Variants in TRAF3IP2 observed in about 807,000 individuals in gnomAD.
The protein encoded by TRAF3IP2 is TRAF3 interacting protein 2.
TRAF3IP2 carries 35 observed loss-of-function variants against 57.9 expected under a neutral mutation model. That is an observed-to-expected ratio of 0.60 (90% CI 0.46 to 0.80). The LOEUF is 0.80. TRAF3IP2 is among the 30% of genes least tolerant of loss of function. The pLI is 0.00. For synonymous variants in TRAF3IP2, 251 were observed against 268.9 expected (o/e 0.93, Z 0.65); for missense variants, 556 against 706.4 (o/e 0.79, Z 2.41).
At position 111,559,557 on chromosome 6, in the gene TRAF3IP2, G is replaced by T. The variant is rs202020640; in HGVS notation, c.1552-6C>A. Reference sequence around the variant, plus strand: ...AGCCAGGTGGGCACATGCTCCTATGGGAGGCAGAATGACAGGAGCAAAGGT... The same window carrying T: ...AGCCAGGTGGGCACATGCTCCTATGTGAGGCAGAATGACAGGAGCAAAGGT... On this transcript the variant is annotated splice_region_variant and splice_polypyrimidine_tract_variant and intron_variant, in intron 8 of 8. Coordinates refer to ENST00000368761, the MANE Select transcript of TRAF3IP2 (RefSeq NM_147686.4). 3.9e-5 allele frequency: 63 copies of T among 1,613,790 alleles called. No homozygotes were observed. The African/African-American group carries it at 4.3e-4, about 11-fold the overall frequency.
intron 2 of TRAF3IP2, among the ~76,000 whole-genome samples, chr6:111,580,757 C>T (rs754460203): frequency 4.4e-4 from 67 of 152,300 alleles, no homozygotes; most frequent in African/African-American, 1.5e-3. Context: ...CTTCATGTCC[C>T]GAACCCAAGG....
intron 1 of TRAF3IP2, among the ~76,000 whole-genome samples, chr6:111,603,591 G>A (rs1304642653): frequency 6.6e-6 from 1 of 152,196 alleles, no homozygotes; most frequent in Non-Finnish European, 1.5e-5. Flanking sequence ...ATTTCATTTA[G>A]ACAAACTACC....
At chr6:111,587,595 G>C (rs924444135) in intron 2 of TRAF3IP2, among the ~76,000 whole-genome samples, 1 of 151,482 alleles carries the variant, frequency 6.6e-6, no homozygotes, top group African/African-American at 2.4e-5. Flanking sequence ...TATGAAATTA[G>C]AAGGAAAATA....
intron 8 of TRAF3IP2, among the ~76,000 whole-genome samples, chr6:111,561,840 G>C (rs1222704815): frequency 6.6e-6 from 1 of 152,170 alleles, no homozygotes; most frequent in Middle Eastern, 3.2e-3. Flanking sequence ...CTAGCACAAG[G>C]TCAAAGTGGA....
rs1012966113 is a variant in TRAF3IP2 at position 111,555,706 on chromosome 6, C to T, written c.*3699G>A. ...TTTTTACTAAGTCAGCCCTACCCCACTTCCACCCCAAAAATATCTAAAGAT... is the reference window on the plus strand; with the variant it reads ...TTTTTACTAAGTCAGCCCTACCCCATTTCCACCCCAAAAATATCTAAAGAT... On this transcript the variant is annotated 3_prime_UTR_variant, in exon 9 of 9. Coordinates refer to ENST00000368761, the MANE Select transcript of TRAF3IP2 (RefSeq NM_147686.4). Among the ~76,000 whole-genome samples the T allele has an allele frequency of 6.6e-6, 1 of 152,244 alleles. No homozygotes were observed. Among genetic ancestry groups the T allele is most frequent in the South Asian group, 2.1e-4 (1 of 4,830 alleles).
At chr6:111,569,149 A>G (rs758622112) in intron 5 of TRAF3IP2, among the ~76,000 whole-genome samples, 11 of 152,166 alleles carry the variant, frequency 7.2e-5, no homozygotes, top group Non-Finnish European at 1.5e-4. Flanking sequence ...CAAATGTGTG[A>G]TGGCCAACGA....
intron 3 of TRAF3IP2, among the ~76,000 whole-genome samples, chr6:111,578,081 G>GT (rs1796044130): frequency 6.6e-6 from 1 of 152,012 alleles, no homozygotes; most frequent in Non-Finnish European, 1.5e-5. Flanking sequence ...GATCAGAACA[G>GT]GCTTAAATTG....
intron 1 of TRAF3IP2, among the ~76,000 whole-genome samples, chr6:111,598,809 A>C (rs918571281): frequency 6.6e-6 from 1 of 152,254 alleles, no homozygotes; most frequent in Non-Finnish European, 1.5e-5. Context: ...TCTGATGCTC[A>C]CAAAGATTAA....
Position 111,592,040 on chromosome 6 carries a change from G to T in TRAF3IP2, c.47C>A (p.Pro16Gln), listed in dbSNP as rs1448064293. The T allele has an allele frequency of 6.2e-7, 1 of 1,614,210 alleles. No individual in the cohort carries two copies. ...TGGGATTGGTTTCAGCAACTGACTT[G>T]GGTATGGTTCTGATTCATCAACCTC... ...PVEVDESEPYPSQLLKPIPEY... is the reference protein window; with the variant it reads ...PVEVDESEPYQSQLLKPIPEY... Residue 16 changes from proline (P) to glutamine (Q), a missense_variant, in exon 2 of 9, where the codon CCA becomes CAA. Physicochemically the swap from Pro to Gln is moderately conservative, Grantham distance 76. Coordinates refer to ENST00000368761, the MANE Select transcript of TRAF3IP2 (RefSeq NM_147686.4).
chr6:111,566,270 C>T (rs1247886451), intron 7 of TRAF3IP2, among the ~76,000 whole-genome samples, 174 bp downstream of exon 7: 1 of 152,152 alleles, frequency 6.6e-6, no homozygotes, highest in Non-Finnish European at 1.5e-5. Context: ...TGCCCACAGT[C>T]CCTAAGGTAG....
intron 1 of TRAF3IP2, among the ~76,000 whole-genome samples, chr6:111,594,979 C>T (rs2128383890): frequency 6.6e-6 from 1 of 152,352 alleles, no homozygotes; most frequent in Non-Finnish European, 1.5e-5. Flanking sequence ...TGCCTATAGT[C>T]CCAACACTTT....
chr6:111,587,392 G>T (rs1796373443), intron 2 of TRAF3IP2, among the ~76,000 whole-genome samples: 1 of 151,980 alleles, frequency 6.6e-6, no homozygotes, highest in African/African-American at 2.4e-5. Flanking sequence ...GAGTAGCTGG[G>T]ATTACAGGTG....
chr6:111,576,177 C>T (rs1795980261), intron 3 of TRAF3IP2, among the ~76,000 whole-genome samples: 1 of 152,112 alleles, frequency 6.6e-6, no homozygotes, highest in Non-Finnish European at 1.5e-5. Context: ...TATAGGCATT[C>T]AGATAAAAAG....
intron 3 of TRAF3IP2, chr6:111,576,988 C>T (rs1204589576): frequency 6.6e-6 from 1 of 151,824 alleles, no homozygotes. Flanking sequence ...TCTTATGTAA[C>T]AGGATTTAAA....
rs925725123 is a variant in TRAF3IP2, at chr6:111,591,199, G to A, written c.829+59C>T. On this transcript the variant is annotated intron_variant, in intron 2 of 8. Coordinates refer to ENST00000368761, the MANE Select transcript of TRAF3IP2 (RefSeq NM_147686.4). This position sits in a 1 kb window ranked among gnomAD's most constrained non-coding sequence, Gnocchi z 4.9. The stretch of plus-strand genomic sequence containing the variant: ...CTAGTGACACGAAGCATTGATGTGA[G>A]GCCCTTGTTTCTTCAGTCACCCAGC... 2.3e-6 allele frequency: 3 copies of A among 1,329,612 alleles called. No individual in the cohort carries two copies. Among genetic ancestry groups the A allele is most frequent in the Non-Finnish European group, 2.0e-6 (2 of 990,204 alleles). The allele number at this position is 1,329,612 out of a possible 1,614,324, so 82.4% of individuals were successfully genotyped here. A position where few individuals can be genotyped will look rare whatever the true frequency, so the allele number is the denominator to read the frequency against.
chr6:111,596,399 C>T (rs1344647577), intron 1 of TRAF3IP2, among the ~76,000 whole-genome samples: 2 of 152,002 alleles, frequency 1.3e-5, no homozygotes, highest in Non-Finnish European at 2.9e-5. Context: ...CTCAAGTGAT[C>T]CTCCCACCTC....
intron 5 of TRAF3IP2, among the ~76,000 whole-genome samples, chr6:111,568,581 G>A (rs923848645): frequency 6.6e-6 from 1 of 151,844 alleles, no homozygotes; most frequent in Non-Finnish European, 1.5e-5. Context: ...CCTGGGGAGG[G>A]GTTACGTGAT....
intron 2 of TRAF3IP2, among the ~76,000 whole-genome samples, chr6:111,583,129 T>TA (rs1187744165): frequency 3.3e-5 from 5 of 152,228 alleles, no homozygotes; most frequent in Admixed American, 1.3e-4. Flanking sequence ...TACTAGAATA[T>TA]AAGCTCTGTG....
At chr6:111,567,764 CA>C in intron 5 of TRAF3IP2, 72 bp from the exon 6 acceptor site, 1 of 1,266,104 alleles carries the variant, frequency 7.9e-7, no homozygotes, top group South Asian at 1.4e-5. Flanking sequence ...GAAGAAAACA[CA>C]ATACTATATA....
Sources: gnomAD v4.1 joint callset for allele counts (sites outside exome capture counted in the v4.1 genomes callset) on GRCh38, gnomAD v4.1.1 for gene constraint, Gnocchi (gnomAD v3.1) non-coding constraint, MANE v1.5 for transcripts, NCBI Gene and HGNC (gene_info 2026-07-23, HGNC 2026-07-21) for gene names.